Variants in BCAS4 observed in about 807,000 individuals in gnomAD.
BCAS4 encodes the protein breast carcinoma-amplified sequence 4.
A neutral mutation model predicts 15.7 loss-of-function variants in BCAS4; 9 were observed. The ratio of observed to expected loss-of-function variants is 0.57; its 90% CI spans 0.34 to 1.00. The LOEUF (loss-of-function observed/expected upper bound fraction) is 1.00, where lower values mean the gene tolerates loss of function less well. BCAS4 is among the 50% of genes least tolerant of loss of function. BCAS4 has a pLI of 0.02. For synonymous variants in BCAS4, 101 were observed against 99.5 expected (o/e 1.02, Z -0.09); for missense variants, 225 against 239.1 (o/e 0.94, Z 0.39).
chr20:50,861,908 G>A (rs1236445651), intron 4 of BCAS4, among the ~76,000 whole-genome samples: 1 of 139,716 alleles, frequency 7.2e-6, no homozygotes, highest in Non-Finnish European at 1.5e-5. Flanking sequence ...GACTGGAGTG[G>A]AGTGACATAA....
intron 3 of BCAS4, chr20:50,840,920 C>A: frequency 1.7e-6 from 1 of 588,240 alleles, no homozygotes; most frequent in Non-Finnish European, 3.1e-6. Context: ...ACCTCCGCCT[C>A]CCGGGTTCAA....
chr20:50,803,456 G>C (rs1476906967), intron 1 of BCAS4, among the ~76,000 whole-genome samples: 1 of 152,130 alleles, frequency 6.6e-6, no homozygotes. Flanking sequence ...CAGTTTCTCG[G>C]GTGGGGTGGG....
At chr20:50,846,605 CTCT>C (rs1324602237) in intron 4 of BCAS4, 35 of 136,172 alleles carry the variant, frequency 2.6e-4, no homozygotes, top group South Asian at 7.1e-4. Context: ...CAGTCTCTCT[CTCT>C]TTTTTTTTTT....
chr20:50,818,212 C>A lies in BCAS4; in HGVS notation c.92C>A (p.Ala31Glu), dbSNP rs776911082. The A allele has an allele frequency of 1.9e-6, 3 of 1,613,432 alleles. No individual in the cohort carries two copies. ...TCCAGGATATCGTCTCTTTTTCAGG[C>A]GAAGGAGGTGGAGGAGACCATCGAG... ...LFLTPEPGAE[A>E]KEVEETIEGM... is the part of the protein sequence containing the mutation. The change falls in exon 2 of 5, where the codon GCG (alanine) becomes GAG (glutamate). Residue 31 changes from alanine (A) to glutamate (E), a missense_variant and splice_region_variant. By Grantham distance (107) the Ala-to-Glu change is moderately radical. Transcript: ENST00000371608.
intron 4 of BCAS4, among the ~76,000 whole-genome samples, chr20:50,871,910 G>C (rs1365711607): frequency 6.6e-6 from 1 of 152,202 alleles, no homozygotes; most frequent in Non-Finnish European, 1.5e-5. Flanking sequence ...CCTGAGCTGT[G>C]GGGGAGGTGG....
intron 1 of BCAS4, among the ~76,000 whole-genome samples, chr20:50,811,685 C>T (rs1011401163): frequency 3.3e-5 from 5 of 152,188 alleles, no homozygotes; most frequent in South Asian, 2.1e-4. Context: ...TGCAGTGGCA[C>T]GATCTTGGCT....
At chr20:50,795,680 T>C (rs1260339393) in intron 1 of BCAS4, among the ~76,000 whole-genome samples, 1 of 152,254 alleles carries the variant, frequency 6.6e-6, no homozygotes, top group African/African-American at 2.4e-5. Context: ...GAGGCATCTG[T>C]CGACGCTGTT....
At chr20:50,795,000 C>CGGACCGGGGGCGGG (rs2087832247), upstream of BCAS4, 1 of 1,329,070 alleles carries the variant, frequency 7.5e-7, no homozygotes. Context: ...GGGCATGCAG[C>CGGACCGGGGGCGGG]GGACCGGGGG....
rs867687596 is a variant in BCAS4, at chr20:50,840,697, A to G, written c.265-1069A>G. 33 of 1,612,974 alleles carry G rather than the reference A, an allele frequency of 2.0e-5. 1 individual carries two copies. The South Asian group carries it at 2.9e-4, about 14-fold the overall frequency. ...TTTCTCTTGCGTCTCTGTCTTCTTC[A>G]GTTTCGACTTATCGAATTTCTCGAT... is the stretch of plus-strand genomic sequence containing the variant. On this transcript the variant is annotated intron_variant, in intron 3 of 4. Transcript: ENST00000371608.
At chr20:50,840,987 G>A in intron 3 of BCAS4, 1 of 456,938 alleles carries the variant, frequency 2.2e-6, no homozygotes, top group East Asian at 4.5e-5. Context: ...GTGCCACCAT[G>A]TCCGGCTACT....
chr20:50,865,725 G>T (rs1979324093), intron 4 of BCAS4, among the ~76,000 whole-genome samples: 1 of 152,222 alleles, frequency 6.6e-6, no homozygotes, highest in South Asian at 2.1e-4. Context: ...GCCGGCAGAG[G>T]CTGGGGTCAG....
chr20:50,796,570 C>T (rs1341886404), intron 1 of BCAS4, among the ~76,000 whole-genome samples: 3 of 119,508 alleles, frequency 2.5e-5, no homozygotes, highest in Non-Finnish European at 4.9e-5. Context: ...TCTCAGCTCA[C>T]TGCAACCTCC....
At chr20:50,802,669 C>G (rs2087941696) in intron 1 of BCAS4, among the ~76,000 whole-genome samples, 1 of 152,144 alleles carries the variant, frequency 6.6e-6, no homozygotes. Flanking sequence ...GTTAGGAGTT[C>G]CAGACCAGCC....
At chr20:50,808,640 G>A (rs181106546) in intron 1 of BCAS4, among the ~76,000 whole-genome samples, 82 of 152,088 alleles carry the variant, frequency 5.4e-4, no homozygotes, top group African/African-American at 1.9e-3. Flanking sequence ...ATGTTTGTTG[G>A]CCACTTGTAT....
chr20:50,871,070 C>G (rs1195976503), intron 4 of BCAS4, among the ~76,000 whole-genome samples: 1 of 152,198 alleles, frequency 6.6e-6, no homozygotes, highest in Non-Finnish European at 1.5e-5. Context: ...AGCCGGAGGG[C>G]GAGAGGTGGG....
chr20:50,833,685 A>G (rs778255042), intron 3 of BCAS4, among the ~76,000 whole-genome samples: 2 of 152,094 alleles, frequency 1.3e-5, no homozygotes, highest in African/African-American at 2.4e-5. Context: ...TTCCCTGTAA[A>G]ATGGGAGTTA....
chr20:50,840,916 G>A (rs1451833045), intron 3 of BCAS4: 4 of 596,868 alleles, frequency 6.7e-6, no homozygotes, highest in African/African-American at 5.6e-5. Context: ...TGCAACCTCC[G>A]CCTCCCGGGT....
At chr20:50,834,861 T>A (rs1398579952) in intron 3 of BCAS4, among the ~76,000 whole-genome samples, 1 of 152,202 alleles carries the variant, frequency 6.6e-6, no homozygotes, top group Non-Finnish European at 1.5e-5. Flanking sequence ...TCAAGGTTCA[T>A]CTATGTTGTA....
chr20:50,816,900 G>T (rs986477841), intron 1 of BCAS4, among the ~76,000 whole-genome samples: 1 of 147,716 alleles, frequency 6.8e-6, no homozygotes, highest in South Asian at 2.1e-4. Flanking sequence ...CGCCTCCCGG[G>T]TTCAAGCGAT....
Sources: gnomAD v4.1 joint callset for allele counts (sites outside exome capture counted in the v4.1 genomes callset) on GRCh38, gnomAD v4.1.1 for gene constraint, MANE v1.5 for transcripts, NCBI Gene and HGNC (gene_info 2026-07-23, HGNC 2026-07-21) for gene names.